The following DOCK3 variants were observed in gnomAD, a reference collection of about 807,000 sequenced individuals.
The protein encoded by DOCK3 is dedicator of cytokinesis 3.
In DOCK3, 60 loss-of-function variants were observed where a neutral mutation model predicts 265.6. The ratio of observed to expected loss-of-function variants is 0.23; its 90% CI spans 0.18 to 0.28. The LOEUF (loss-of-function observed/expected upper bound fraction) is 0.28. Ranked by LOEUF, DOCK3 falls within the 10% of genes least tolerant of loss-of-function variation. The probability of loss-of-function intolerance (pLI) is 1.00; values close to 1 mark genes in which losing one functional copy is unlikely to be tolerated. For synonymous variants in DOCK3, 881 were observed against 938.0 expected, an observed-to-expected ratio of 0.94 and a Z score of 1.11; for missense variants, 1,981 against 2,594.3, an observed-to-expected ratio of 0.76 and a Z score of 5.14.
intron 1 of DOCK3, among the ~76,000 whole-genome samples, chr3:50,753,968 CAACATAGTGA>C (rs2039996026): frequency 6.6e-6 from 1 of 151,842 alleles, no homozygotes; most frequent in South Asian, 2.1e-4. Context: ...CCAGCCTGGC[CAACATAGTGA>C]AACCCCGTCT....
At position 51,228,006 on chromosome 3, in the gene DOCK3, T is replaced by A; in HGVS notation, c.1565T>A (p.Leu522His). The change falls in exon 17 of 53, where the codon CTC (leucine) becomes CAC (histidine). Residue 522 changes from leucine to histidine, a missense_variant. By Grantham distance (99) the Leu-to-His change is moderately conservative. Around this residue, in one of 4 missense-constraint regions of DOCK3, gnomAD observed 1,357 missense variants for 1,866.8 expected, o/e 0.73. Transcript: ENST00000266037. ...GCAAAGGACAAAGGGGAAAAGAAAC[T>A]CTTTGGCTTTGCATTCTCAACCCTG... is the stretch of plus-strand genomic sequence containing the variant. ...CSTKDKGEKK[L>H]FGFAFSTLMR... is the part of the protein sequence containing the mutation. 6.2e-7 allele frequency: 1 copy of A among 1,613,984 alleles called. No individual in the cohort carries two copies.
chr3:51,201,294 GAC>G (rs2088749883), intron 12 of DOCK3, among the ~76,000 whole-genome samples: 1 of 150,836 alleles, frequency 6.6e-6, no homozygotes, highest in Non-Finnish European at 1.5e-5. Context: ...CACGTGCAGA[GAC>G]ACACATAGGC....
At chr3:51,028,478 G>C (rs1040590354) in intron 5 of DOCK3, among the ~76,000 whole-genome samples, 1 of 151,910 alleles carries the variant, frequency 6.6e-6, no homozygotes, top group African/African-American at 2.4e-5. Flanking sequence ...TAGCAAGATT[G>C]GGGAAATTTT....
intron 49 of DOCK3, among the ~76,000 whole-genome samples, chr3:51,373,189 T>A (rs1021258975): frequency 6.6e-6 from 1 of 152,178 alleles, no homozygotes; most frequent in Non-Finnish European, 1.5e-5. Context: ...AGAAGACGTA[T>A]TTTTAGCTGT....
intron 12 of DOCK3, among the ~76,000 whole-genome samples, chr3:51,202,106 A>G (rs533599348): frequency 1.3e-5 from 2 of 149,192 alleles, no homozygotes; most frequent in Admixed American, 1.3e-4. Flanking sequence ...CATCACAATT[A>G]AAAGAACTAG....
chr3:51,091,048 T>C (rs2082617624), intron 9 of DOCK3, among the ~76,000 whole-genome samples: 1 of 152,196 alleles, frequency 6.6e-6, no homozygotes, highest in Non-Finnish European at 1.5e-5. Context: ...TTGACAAAAA[T>C]ATTAATACAC....
intron 1 of DOCK3, among the ~76,000 whole-genome samples, chr3:50,723,529 CAG>C (rs2037610907): frequency 6.6e-6 from 1 of 151,984 alleles, no homozygotes; most frequent in South Asian, 2.1e-4. Flanking sequence ...ACAGAGGCCT[CAG>C]AAATAACACC....
chr3:50,925,519 T>G (rs917738229), intron 4 of DOCK3, among the ~76,000 whole-genome samples: 1 of 151,816 alleles, frequency 6.6e-6, no homozygotes, highest in African/African-American at 2.4e-5. Flanking sequence ...TAGGCACTGC[T>G]CTCCAGACTG....
At chr3:51,141,851 C>G (rs942335424) in intron 9 of DOCK3, among the ~76,000 whole-genome samples, 5 of 151,942 alleles carry the variant, frequency 3.3e-5, no homozygotes, top group Non-Finnish European at 5.9e-5. Context: ...TGTCTTGACT[C>G]TATGTTTTTG....
intron 9 of DOCK3, among the ~76,000 whole-genome samples, chr3:51,143,539 G>A (rs1022857188): frequency 6.6e-6 from 1 of 152,040 alleles, no homozygotes; most frequent in Non-Finnish European, 1.5e-5. Flanking sequence ...CAAAGTGCTG[G>A]GATTACAAGT....
chr3:51,309,488 G>A (rs959520439), intron 27 of DOCK3, among the ~76,000 whole-genome samples: 1 of 152,228 alleles, frequency 6.6e-6, no homozygotes, highest in Non-Finnish European at 1.5e-5. Context: ...GCAGGCTGAG[G>A]CAGGAGAATC....
At chr3:50,945,691 A>G (rs1236731396) in intron 5 of DOCK3, among the ~76,000 whole-genome samples, 3 of 152,200 alleles carry the variant, frequency 2.0e-5, no homozygotes, top group Non-Finnish European at 2.9e-5. Context: ...TGGTTATCCC[A>G]AGAATATTGA....
intron 1 of DOCK3, among the ~76,000 whole-genome samples, chr3:50,760,462 G>A (rs2675773): frequency 0.094 from 14,331 of 152,100 alleles, 827 homozygotes; most frequent in Non-Finnish European, 0.12. Flanking sequence ...TAATACTACC[G>A]TTCTGTTTTT....
At chr3:50,979,820 C>G (rs1280304351) in intron 5 of DOCK3, among the ~76,000 whole-genome samples, 1 of 152,160 alleles carries the variant, frequency 6.6e-6, no homozygotes, top group Non-Finnish European at 1.5e-5. Flanking sequence ...TACAACTTGA[C>G]TGAATTCATT....
At chr3:50,769,685 G>A (rs1185645207) in intron 1 of DOCK3, among the ~76,000 whole-genome samples, 5 of 151,766 alleles carry the variant, frequency 3.3e-5, no homozygotes, top group Non-Finnish European at 5.9e-5. Flanking sequence ...TGTGGTGGGC[G>A]CCTATAATCC....
chr3:50,912,857 T>A (rs1467585167), intron 4 of DOCK3, among the ~76,000 whole-genome samples: 2 of 152,054 alleles, frequency 1.3e-5, no homozygotes, highest in Admixed American at 1.3e-4. Context: ...AGTGGCCTCC[T>A]CTCTGACCCA....
chr3:51,357,695 C>A, intron 44 of DOCK3, 63 bp from the exon 45 acceptor site: 1 of 1,566,700 alleles, frequency 6.4e-7, no homozygotes, highest in Non-Finnish European at 8.8e-7. Context: ...CTCAAGTCTC[C>A]TGGGCCCCAC....
At chr3:50,904,177 G>A (rs774058366) in intron 4 of DOCK3, among the ~76,000 whole-genome samples, 10 of 152,232 alleles carry the variant, frequency 6.6e-5, no homozygotes, top group East Asian at 1.9e-4. Flanking sequence ...GGACATTTGC[G>A]TTGGTTCCAA....
At chr3:51,243,472 T>C (rs1419175179) in intron 21 of DOCK3, among the ~76,000 whole-genome samples, 1 of 152,156 alleles carries the variant, frequency 6.6e-6, no homozygotes. Flanking sequence ...TAAAGTGATA[T>C]TTCTTTATGT....
Sources: gnomAD v4.1 joint callset for allele counts (sites outside exome capture counted in the v4.1 genomes callset) on GRCh38, gnomAD v4.1.1 for gene constraint, gnomAD v4.1.1 regional missense constraint, MANE v1.5 for transcripts, NCBI Gene and HGNC (gene_info 2026-07-23, HGNC 2026-07-21) for gene names.